The following DGKG variants were observed in gnomAD, a reference collection of about 807,000 sequenced individuals.
DGKG encodes the protein diacylglycerol kinase gamma, also known as DAG kinase gamma.
DGKG carries 78 observed loss-of-function variants against 105.3 expected under a neutral mutation model. The observed-to-expected ratio is 0.74, with a 90% CI of 0.62 to 0.89. DGKG has a LOEUF of 0.89. Among genes scored for constraint, DGKG ranks in the 40% least tolerant of loss-of-function variants. The pLI is 0.00. For missense variants in DGKG, 958 were observed against 1,020.1 expected, an observed-to-expected ratio of 0.94 and a Z score of 0.83; for synonymous variants, 346 against 367.1, an observed-to-expected ratio of 0.94 and a Z score of 0.66.
At chr3:186,322,793 C>T (rs1355292947) in intron 1 of DGKG, among the ~76,000 whole-genome samples, 1 of 152,174 alleles carries the variant, frequency 6.6e-6, no homozygotes. Flanking sequence ...ACTGTGACTC[C>T]CTTGTGTGTC....
intron 22 of DGKG, among the ~76,000 whole-genome samples, chr3:186,174,325 G>A (rs1024703848): frequency 2.0e-5 from 3 of 152,166 alleles, no homozygotes; most frequent in Admixed American, 6.5e-5. Flanking sequence ...ATGTACTCAA[G>A]AAGTTCCGAC....
At chr3:186,207,590 G>A (rs1718808140) in intron 21 of DGKG, 1 of 572,638 alleles carries the variant, frequency 1.7e-6, no homozygotes, top group East Asian at 1.4e-4. Flanking sequence ...TTGGGAGGTA[G>A]ACTAACCCCT....
At chr3:186,234,224 C>G (rs1304751740) in intron 20 of DGKG, among the ~76,000 whole-genome samples, 1 of 152,256 alleles carries the variant, frequency 6.6e-6, no homozygotes, top group Non-Finnish European at 1.5e-5. Context: ...TCACTTCTCT[C>G]TAAGGCTTCT....
At position 186,350,208 on chromosome 3, in the gene DGKG, T is replaced by A. The variant is rs529583049; in HGVS notation, c.-249+11738A>T. ...CTCAGCCTTCCACAGAACTTTTTCATCTTGCAAAATGAACTGTGGCATTAA... is the reference window on the plus strand; with the variant it reads ...CTCAGCCTTCCACAGAACTTTTTCAACTTGCAAAATGAACTGTGGCATTAA... On this transcript the variant is annotated intron_variant, in intron 1 of 24. Transcript: ENST00000265022. Among the ~76,000 whole-genome samples the A allele has an allele frequency of 2.0e-5, 3 of 152,300 alleles. No homozygotes were observed. The East Asian group carries it at 5.8e-4, about 29-fold the overall frequency.
chr3:186,358,912 A>G (rs975816562), intron 1 of DGKG, among the ~76,000 whole-genome samples: 4 of 152,230 alleles, frequency 2.6e-5, no homozygotes, highest in African/African-American at 9.7e-5. Flanking sequence ...TATATTTTAC[A>G]TGATGGTTTG....
Position 186,196,284 on chromosome 3 carries a change from CCCA to C in DGKG, c.1918-7908_1918-7906del, listed in dbSNP as rs966206724. 1.3e-3 allele frequency among the ~76,000 whole-genome samples: 194 copies of C among 152,074 alleles called. 2 individuals are homozygous for C. The highest frequency in any genetic ancestry group is 0.011 in the Admixed American group (172 of 15,272). The stretch of plus-strand genomic sequence containing the variant: ...TCCCAAGTAGCTGGGACTACAGGTG[CCCA>C]CCACCACGCCCAGCTAATTTTTTGT... On this transcript the variant is annotated intron_variant, in intron 21 of 24. Coordinates refer to ENST00000265022, the MANE Select transcript of DGKG (RefSeq NM_001346.3).
intron 1 of DGKG, among the ~76,000 whole-genome samples, chr3:186,325,588 T>C (rs979616624): frequency 9.2e-5 from 14 of 152,196 alleles, no homozygotes; most frequent in Non-Finnish European, 1.8e-4. Context: ...ATACTGATTT[T>C]CTAATTCCAT....
chr3:186,336,876 C>T (rs1725855284), intron 1 of DGKG, among the ~76,000 whole-genome samples: 2 of 152,066 alleles, frequency 1.3e-5, no homozygotes, highest in African/African-American at 4.8e-5. Context: ...CTTTATAGCA[C>T]CACTTTCAAG....
chr3:186,164,086 C>G (rs760247612), intron 23 of DGKG, among the ~76,000 whole-genome samples: 7 of 152,142 alleles, frequency 4.6e-5, no homozygotes, highest in Non-Finnish European at 1.0e-4. Flanking sequence ...CCAATGTGCT[C>G]TGATGACACT....
In DGKG at chr3:186,296,976, C is replaced by T. The variant is rs188672945; in HGVS notation, c.373+445G>A. On this transcript the variant is annotated intron_variant, in intron 5 of 24. Transcript: ENST00000265022. Reference sequence around the variant, plus strand: ...ACAAGGGCACATTTTTACCCTCTTGCTCTGTTCCTCTCCAGACATCCACTG... The same window carrying T: ...ACAAGGGCACATTTTTACCCTCTTGTTCTGTTCCTCTCCAGACATCCACTG... Among the ~76,000 whole-genome samples the T allele has an allele frequency of 3.7e-3, 563 of 152,106 alleles. 5 individuals are homozygous for T. The highest frequency in any genetic ancestry group is 0.013 in the African/African-American group (535 of 41,476).
chr3:186,265,489 TC>T (rs1722003495), intron 13 of DGKG, among the ~76,000 whole-genome samples, 183 bp from the exon 14 acceptor site: 1 of 150,846 alleles, frequency 6.6e-6, no homozygotes, highest in African/African-American at 2.4e-5. Context: ...TATGACTTTT[TC>T]TAGGATTCTT....
In DGKG at chr3:186,297,340, T is replaced by C; in HGVS notation, c.373+81A>G. 3 of 1,071,844 alleles carry C rather than the reference T, an allele frequency of 2.8e-6. No individual in the cohort carries two copies. In the South Asian group the frequency reaches 3.8e-5, roughly 13 times the overall value. 66.4% of individuals were successfully genotyped at this position (1,071,844 alleles called of 1,614,324 possible). On this transcript the variant is annotated intron_variant, in intron 5 of 24. Transcript: ENST00000265022. ...TTGCACAATTATATGAAGACAGCAC[T>C]GTTGGTTAGGTTTCCCCACTTCTCC...
In DGKG at chr3:186,150,123, G is replaced by A; in HGVS notation, c.2343C>T (p.Phe781=). Residue 781 remains phenylalanine, a synonymous_variant, in exon 25 of 25, where the codon TTC becomes TTT. Coordinates refer to ENST00000265022, the MANE Select transcript of DGKG (RefSeq NM_001346.3). ...MMGPPQKSSF[F]SLRRKSRSKD is the part of the protein sequence containing the mutation. The stretch of plus-strand genomic sequence containing the variant: ...TTGAACGGCTCTTCCTTCTCAACGA[G>A]AAGAAGCTGCTCTTCTGGGGAGGCC... The A allele has an allele frequency of 6.2e-7, 1 of 1,613,780 alleles. No individual in the cohort carries two copies. The highest frequency in any genetic ancestry group is 1.3e-5 in the African/African-American group (1 of 75,034).
chr3:186,307,990 T>C (rs1469420465), intron 2 of DGKG, among the ~76,000 whole-genome samples: 1 of 152,104 alleles, frequency 6.6e-6, no homozygotes, highest in Non-Finnish European at 1.5e-5. Flanking sequence ...ATTAGCATGG[T>C]TGATTTTATG....
rs1722962294 is a variant in DGKG, at chr3:186,284,354, T to C, written c.594+306A>G. 1.3e-5 allele frequency among the ~76,000 whole-genome samples: 2 copies of C among 152,018 alleles called. No homozygotes were observed. The highest frequency in any genetic ancestry group is 4.2e-4 in the South Asian group (2 of 4,804). On this transcript the variant is annotated intron_variant, in intron 7 of 24. Coordinates refer to ENST00000265022, the MANE Select transcript of DGKG (RefSeq NM_001346.3). This position sits in a 1 kb window ranked among gnomAD's most constrained non-coding sequence, Gnocchi z 4.0. ...TTGGCCTCAGGACTCCTGCAGGAAA[T>C]TGCAGGAGGCGCTTGTGAACTGAAT... is the stretch of plus-strand genomic sequence containing the variant.
At chr3:186,201,797 A>C (rs1342255610) in intron 21 of DGKG, among the ~76,000 whole-genome samples, 1 of 152,226 alleles carries the variant, frequency 6.6e-6, no homozygotes, top group African/African-American at 2.4e-5. Context: ...ACAACTATTG[A>C]GGAATTAGTT....
intron 24 of DGKG, chr3:186,158,826 T>A: frequency 3.3e-6 from 3 of 905,790 alleles, no homozygotes; most frequent in Non-Finnish European, 4.0e-6. Flanking sequence ...TTATGACCAC[T>A]ATATCTCATA....
intron 5 of DGKG, among the ~76,000 whole-genome samples, chr3:186,290,397 C>T (rs1055945897): frequency 2.0e-5 from 3 of 152,190 alleles, no homozygotes; most frequent in Non-Finnish European, 4.4e-5. Flanking sequence ...AAAGTTATTG[C>T]TAGGTCCTCA....
At chr3:186,278,529 A>G (rs1722688828) in intron 9 of DGKG, among the ~76,000 whole-genome samples, 1 of 152,146 alleles carries the variant, frequency 6.6e-6, no homozygotes, top group Admixed American at 6.5e-5. Flanking sequence ...TGTAAAAGAA[A>G]GGGGATCAAC....
Sources: gnomAD v4.1 joint callset for allele counts (sites outside exome capture counted in the v4.1 genomes callset) on GRCh38, gnomAD v4.1.1 for gene constraint, Gnocchi (gnomAD v3.1) non-coding constraint, MANE v1.5 for transcripts, NCBI Gene and HGNC (gene_info 2026-07-23, HGNC 2026-07-21) for gene names.